The following HTR1D variants were observed in gnomAD, a reference collection of about 807,000 sequenced individuals.
HTR1D encodes 5-hydroxytryptamine receptor 1D.
In HTR1D, 18 loss-of-function variants were observed where a neutral mutation model predicts 21.1. The ratio of observed to expected loss-of-function variants is 0.85; its 90% CI spans 0.59 to 1.27. The LOEUF is 1.27. Among genes scored for constraint, HTR1D ranks in the 50% most tolerant of loss-of-function variants. The pLI is 0.00. For synonymous variants in HTR1D, 196 were observed against 204.4 expected, an observed-to-expected ratio of 0.96 and a Z score of 0.35; for missense variants, 456 against 481.4, an observed-to-expected ratio of 0.95 and a Z score of 0.49.
intron 1 of HTR1D, among the ~76,000 whole-genome samples, chr1:23,215,308 T>C (rs1030947646): frequency 5.3e-5 from 8 of 152,134 alleles, no homozygotes; most frequent in African/African-American, 1.9e-4. Context: ...TCCCAGCTAC[T>C]GGGGAGGCTG....
chr1:23,195,864 T>A, intron 1 of HTR1D, among the ~76,000 whole-genome samples: 1 of 152,114 alleles, frequency 6.6e-6, no homozygotes, highest in East Asian at 1.9e-4. Context: ...GATCTAGCTC[T>A]GTCCCCCAGG....
At chr1:23,195,488 G>A (rs1032566628) in intron 1 of HTR1D, among the ~76,000 whole-genome samples, 1 of 151,720 alleles carries the variant, frequency 6.6e-6, no homozygotes, top group African/African-American at 2.4e-5. Context: ...TGCCAGGCTA[G>A]AGTGCAGTGA....
chr1:23,204,452 C>T (rs181840246), intron 1 of HTR1D, among the ~76,000 whole-genome samples: 7 of 152,194 alleles, frequency 4.6e-5, no homozygotes, highest in African/African-American at 4.8e-5. Context: ...GTGGAAAATG[C>T]GAACAATAAC....
chr1:23,198,752 G>T (rs755309449), intron 1 of HTR1D, among the ~76,000 whole-genome samples: 2 of 152,070 alleles, frequency 1.3e-5, no homozygotes, highest in African/African-American at 4.8e-5. Context: ...TCAAAAACAC[G>T]CAAGAAGAAA....
chr1:23,213,572 C>T (rs1255708742), intron 1 of HTR1D, among the ~76,000 whole-genome samples: 2 of 152,226 alleles, frequency 1.3e-5, no homozygotes, highest in Non-Finnish European at 2.9e-5. Context: ...AGACCTTTCA[C>T]TCCCCTACAC....
intron 1 of HTR1D, among the ~76,000 whole-genome samples, chr1:23,208,558 C>T (rs1046557884): frequency 6.8e-5 from 10 of 147,228 alleles, no homozygotes; most frequent in South Asian, 4.3e-4. Context: ...GCAACAAGAG[C>T]GAAACCCCAT....
chr1:23,212,926 A>G (rs1644759368), intron 1 of HTR1D, among the ~76,000 whole-genome samples: 1 of 151,778 alleles, frequency 6.6e-6, no homozygotes, highest in African/African-American at 2.4e-5. Context: ...TCCCGGGTTC[A>G]AGCGATTCTC....
At chr1:23,202,375 G>A (rs1644712750) in intron 1 of HTR1D, among the ~76,000 whole-genome samples, 1 of 152,120 alleles carries the variant, frequency 6.6e-6, no homozygotes, top group South Asian at 2.1e-4. Flanking sequence ...TTACATGCAT[G>A]AGCCACCGCA....
At chr1:23,216,450 C>T (rs1296793747) in intron 1 of HTR1D, among the ~76,000 whole-genome samples, 1 of 122,988 alleles carries the variant, frequency 8.1e-6, no homozygotes, top group Non-Finnish European at 1.7e-5. Context: ...AGTAGGTGGC[C>T]AAGGCCAGTT....
chr1:23,200,153 G>A (rs1002868075), intron 1 of HTR1D, among the ~76,000 whole-genome samples: 1 of 152,178 alleles, frequency 6.6e-6, no homozygotes, highest in Non-Finnish European at 1.5e-5. Flanking sequence ...GACCAGCTGG[G>A]TAACCATGGG....
intron 1 of HTR1D, among the ~76,000 whole-genome samples, chr1:23,197,718 C>T (rs1375275356): frequency 1.9e-4 from 28 of 146,070 alleles, no homozygotes; most frequent in African/African-American, 7.1e-4. Context: ...CAAGACTCTA[C>T]CTAAAAAAAA....
chr1:23,193,262 C>G lies in HTR1D; in HGVS notation c.958G>C (p.Val320Leu). 1.9e-6 allele frequency: 3 copies of G among 1,614,106 alleles called. No homozygotes were observed. The highest frequency in any genetic ancestry group is 2.5e-6 in the Non-Finnish European group (3 of 1,180,016). Reference sequence around the variant, plus strand: ...CGGCAGATGGGGAGGACCAGAGACACCACGAAGAAGGGCAGCCAGCAGATG... The same window carrying G: ...CGGCAGATGGGGAGGACCAGAGACAGCACGAAGAAGGGCAGCCAGCAGATG... ...FIICWLPFFV[V>L]SLVLPICRDS... is the part of the protein sequence containing the mutation. The change falls in exon 2 of 2, where the codon GTG becomes CTG. Residue 320 changes from valine (V) to leucine (L), a missense_variant. Physicochemically the swap from Val to Leu is conservative, Grantham distance 32 (BLOSUM62 1). Coordinates refer to ENST00000374619, the MANE Select transcript of HTR1D (RefSeq NM_000864.5).
chr1:23,199,559 G>A (rs374515371), intron 1 of HTR1D, among the ~76,000 whole-genome samples: 63 of 150,332 alleles, frequency 4.2e-4, no homozygotes, highest in African/African-American at 1.5e-3. Flanking sequence ...GCCTCCCAAA[G>A]TTGGGATTAT....
intron 1 of HTR1D, among the ~76,000 whole-genome samples, chr1:23,201,371 G>A (rs1644708607): frequency 6.6e-6 from 1 of 152,150 alleles, no homozygotes; most frequent in African/African-American, 2.4e-5. Context: ...CCTGTCCTGG[G>A]AGAGGAGAAT....
chr1:23,200,622 C>A (rs1315143559), intron 1 of HTR1D, among the ~76,000 whole-genome samples: 1 of 152,134 alleles, frequency 6.6e-6, no homozygotes, highest in East Asian at 1.9e-4. Context: ...GATCCTTTCA[C>A]CTTGGCCTCC....
At chr1:23,209,613 C>T (rs944963307) in intron 1 of HTR1D, among the ~76,000 whole-genome samples, 1 of 152,124 alleles carries the variant, frequency 6.6e-6, no homozygotes, top group Non-Finnish European at 1.5e-5. Flanking sequence ...TTCTAAGCTT[C>T]TCATGTATTA....
At position 23,194,120 on chromosome 1, in the gene HTR1D, G is replaced by A. The variant is rs760348024; in HGVS notation, c.100C>T (p.Leu34Phe). The change falls in exon 2 of 2, where the codon CTC (leucine) becomes TTC (phenylalanine). Residue 34 changes from leucine to phenylalanine, a missense_variant. Transcript: ENST00000374619. ...GCAAGGGAGATCTTGAGCGCCTGGA[G>A]GGTCCTGGGATCCCAAGCCTCTGAG... ...ETSEAWDPRTLQALKISLAVV... is the reference protein window; with the variant it reads ...ETSEAWDPRTFQALKISLAVV... The A allele has an allele frequency of 3.2e-5, 52 of 1,614,054 alleles. No homozygotes were observed. Among genetic ancestry groups the A allele is most frequent in the Non-Finnish European group, 4.2e-5 (50 of 1,180,030 alleles).
intron 1 of HTR1D, among the ~76,000 whole-genome samples, chr1:23,203,459 C>T (rs1342577632): frequency 2.0e-5 from 3 of 152,042 alleles, no homozygotes; most frequent in Admixed American, 6.6e-5. Flanking sequence ...GAGTTTGAGA[C>T]CAGCATGAGC....
At position 23,193,389 on chromosome 1, in the gene HTR1D, C is replaced by T. The variant is rs1359920832; in HGVS notation, c.831G>A (p.Val277=). ...GGGCACTGTCAGCAAGCTTGATTTT[C>T]ACGTGGTTGAAAAAGAGAGGGGAGC... The part of the protein sequence containing the change: ...SAGSPLFFNH[V]KIKLADSALE... The change falls in exon 2 of 2, where the codon GTG becomes GTA. Residue 277 remains valine, a synonymous_variant. Coordinates refer to ENST00000374619, the MANE Select transcript of HTR1D (RefSeq NM_000864.5). 1 of 1,614,040 alleles carries T rather than the reference C, an allele frequency of 6.2e-7. No homozygotes were observed. The highest frequency in any genetic ancestry group is 1.3e-5 in the African/African-American group (1 of 74,912).
Sources: gnomAD v4.1 joint callset for allele counts (sites outside exome capture counted in the v4.1 genomes callset) on GRCh38, gnomAD v4.1.1 for gene constraint, MANE v1.5 for transcripts, NCBI Gene and HGNC (gene_info 2026-07-23, HGNC 2026-07-21) for gene names.